RGSL1: variants seen among roughly 807,000 people sequenced by gnomAD.
The protein encoded by RGSL1 is regulator of G protein signaling protein-like.
RGSL1 carries 97 observed loss-of-function variants against 124.7 expected under a neutral mutation model. That is an observed-to-expected ratio of 0.78 (90% confidence interval 0.66 to 0.92). The LOEUF (loss-of-function observed/expected upper bound fraction) is 0.92. RGSL1 is among the 40% of genes least tolerant of loss of function. RGSL1 has a pLI of 0.00. For synonymous variants in RGSL1, 424 were observed against 438.1 expected (o/e 0.97, Z 0.40); for missense variants, 1,233 against 1,288.4 (o/e 0.96, Z 0.66).
intron 6 of RGSL1, among the ~76,000 whole-genome samples, chr1:182,483,549 C>G (rs1264696345): frequency 6.6e-6 from 1 of 152,032 alleles, no homozygotes; most frequent in African/African-American, 2.4e-5. Flanking sequence ...CTATGACATA[C>G]ACATAAAATA....
intron 8 of RGSL1, among the ~76,000 whole-genome samples, chr1:182,492,613 GC>G (rs1655609543): frequency 6.8e-6 from 1 of 146,666 alleles, no homozygotes; most frequent in South Asian, 2.2e-4. Flanking sequence ...AACACTATTG[GC>G]CTCTTTAAAT....
At chr1:182,449,421 T>G (rs1651657994), upstream of RGSL1, 1 of 152,214 alleles carries the variant, frequency 6.6e-6, no homozygotes, top group Non-Finnish European at 1.5e-5. Context: ...ATCCCAAGAC[T>G]TAAAAGCCCT....
chr1:182,489,238 A>C, intron 8 of RGSL1, 36 bp downstream of exon 8: 1 of 1,467,056 alleles, frequency 6.8e-7, no homozygotes, highest in East Asian at 2.5e-5. Flanking sequence ...TGACCTTTAC[A>C]TATGGGCAAC....
intron 4 of RGSL1, 113 bp from the exon 5 acceptor site, chr1:182,472,283 T>C: frequency 1.1e-6 from 1 of 948,300 alleles, no homozygotes; most frequent in Non-Finnish European, 1.5e-6. Context: ...CCAGGAATGA[T>C]GATTGATGCA....
chr1:182,554,874 G>A (rs1660774209), intron 20 of RGSL1, 181 bp downstream of exon 20: 1 of 615,986 alleles, frequency 1.6e-6, no homozygotes, highest in African/African-American at 1.8e-5. Context: ...CTCTGTGGGG[G>A]TCCTTTCTCA....
chr1:182,550,376 G>C (rs1660483717), intron 17 of RGSL1: 1 of 152,184 alleles, frequency 6.6e-6, no homozygotes, highest in African/African-American at 2.4e-5. Flanking sequence ...AGATAGAACA[G>C]ACTGTCCCTC....
At chr1:182,464,551 C>T (rs1213438493) in intron 4 of RGSL1, among the ~76,000 whole-genome samples, 1 of 151,918 alleles carries the variant, frequency 6.6e-6, no homozygotes, top group Non-Finnish European at 1.5e-5. Context: ...TGGTGAAAAC[C>T]TGTCTCTACT....
Position 182,529,759 on chromosome 1 carries a change from G to A in RGSL1, c.2126-485G>A, listed in dbSNP as rs114111165. Among the ~76,000 whole-genome samples, 1,235 of 152,274 alleles carry A rather than the reference G, an allele frequency of 8.1e-3. 22 individuals are homozygous for A. Among genetic ancestry groups the A allele is most frequent in the African/African-American group, 0.027 (1,105 of 41,572 alleles). ...GAGATCTGTACAATATTTTGAATGA[G>A]CTAGAAGAGGAAGAGTGTCCAGATC... is the stretch of plus-strand genomic sequence containing the variant. On this transcript the variant is annotated intron_variant, in intron 11 of 21. Transcript: ENST00000294854.
chr1:182,489,208 A>G lies in RGSL1; in HGVS notation c.1717+6A>G, dbSNP rs1655341742. ...ATCTCCAGTGTTTCTAACAGGTCAG[A>G]GCAGTCACTGTAATTTTTTTGACCT... On this transcript the variant is annotated splice_donor_region_variant and intron_variant, in intron 8 of 21. Coordinates refer to ENST00000294854, the MANE Select transcript of RGSL1 (RefSeq NM_001137669.2). 1 of 1,548,136 alleles carries G rather than the reference A, an allele frequency of 6.5e-7. No homozygotes were observed. The highest frequency in any genetic ancestry group is 1.4e-5 in the African/African-American group (1 of 72,886).
Position 182,527,666 on chromosome 1 carries a change from A to T in RGSL1, c.2019A>T (p.Gln673His). ...LKERKAKIPL[Q>H]FLTAVQKISI... Reference sequence around the variant, plus strand: ...AACGGAAGGCTAAAATCCCATTGCAATTTCTCACAGCTGTACAGAAGATCA... The same window carrying T: ...AACGGAAGGCTAAAATCCCATTGCATTTTCTCACAGCTGTACAGAAGATCA... The change falls in exon 11 of 22, where the codon CAA (glutamine) becomes CAT (histidine). Residue 673 changes from glutamine (Q) to histidine (H), a missense_variant. By Grantham distance (24) the Gln-to-His change is conservative (BLOSUM62 0). Transcript: ENST00000294854. The T allele has an allele frequency of 1.3e-6, 2 of 1,551,604 alleles. No individual in the cohort carries two copies. Among genetic ancestry groups the T allele is most frequent in the Non-Finnish European group, 1.7e-6 (2 of 1,146,812 alleles).
chr1:182,544,765 G>A (rs1558421981), intron 15 of RGSL1, among the ~76,000 whole-genome samples: 1 of 151,924 alleles, frequency 6.6e-6, no homozygotes, highest in Non-Finnish European at 1.5e-5. Context: ...TCTTTTTAGA[G>A]TCTTCAACTT....
intron 7 of RGSL1, chr1:182,488,550 C>T: frequency 1.8e-6 from 1 of 545,552 alleles, no homozygotes; most frequent in East Asian, 3.4e-5. Flanking sequence ...TTTGGTGAAA[C>T]CCCGTCTCTA....
At chr1:182,535,832 T>G (rs1467920550) in intron 14 of RGSL1, among the ~76,000 whole-genome samples, 1 of 152,176 alleles carries the variant, frequency 6.6e-6, no homozygotes, top group Non-Finnish European at 1.5e-5. Flanking sequence ...TTCACTAATT[T>G]TAATTGTGCA....
rs1482773646 is a variant in RGSL1, at chr1:182,473,943, C to A, written c.832C>A (p.Pro278Thr). 1.9e-6 allele frequency: 3 copies of A among 1,551,888 alleles called. No homozygotes were observed. The highest frequency in any genetic ancestry group is 2.6e-6 in the Non-Finnish European group (3 of 1,147,050). ...MDLKPDAIGM[P>T]LQETCPQEKV... ...TCTCAAGCCAGATGCTATTGGTATG[C>A]CCCTACAGGAGACATGTCCTCAAGA... is the stretch of plus-strand genomic sequence containing the variant. The change falls in exon 6 of 22, where the codon CCC becomes ACC. Residue 278 changes from proline to threonine, a missense_variant. Coordinates refer to ENST00000294854, the MANE Select transcript of RGSL1 (RefSeq NM_001137669.2).
At chr1:182,464,649 G>A (rs911010487) in intron 4 of RGSL1, among the ~76,000 whole-genome samples, 7 of 151,820 alleles carry the variant, frequency 4.6e-5, no homozygotes, top group South Asian at 4.2e-4. Flanking sequence ...ACTTGAACCC[G>A]GGAGGCAGAG....
intron 7 of RGSL1, 109 bp downstream of exon 7, chr1:182,488,456 C>A: frequency 9.0e-7 from 1 of 1,112,936 alleles, no homozygotes; most frequent in Non-Finnish European, 1.3e-6. Context: ...TGTTATTTTT[C>A]CTAGAGTCAA....
At chr1:182,464,182 A>C (rs1398597325) in intron 4 of RGSL1, among the ~76,000 whole-genome samples, 1 of 152,230 alleles carries the variant, frequency 6.6e-6, no homozygotes, top group African/African-American at 2.4e-5. Context: ...CTTATGGGAT[A>C]AAATAAAAGC....
chr1:182,483,702 T>C lies in RGSL1; in HGVS notation c.1432-4583T>C, dbSNP rs551599317. Among the ~76,000 whole-genome samples the C allele has an allele frequency of 2.0e-5, 3 of 152,288 alleles. No individual in the cohort carries two copies. The East Asian group carries it at 5.8e-4, about 29-fold the overall frequency. ...ATGCAGGTTTGTTATATAGGTATAT[T>C]TGTGTCACAGCAGTTTATTGTACAG... On this transcript the variant is annotated intron_variant, in intron 6 of 21. Transcript: ENST00000294854.
At chr1:182,472,335 T>G in intron 4 of RGSL1, 61 bp from the exon 5 acceptor site, 2 of 1,456,480 alleles carry the variant, frequency 1.4e-6, no homozygotes, top group Non-Finnish European at 1.8e-6. Flanking sequence ...TTCACCCAGA[T>G]GCAACCACCA....
Sources: gnomAD v4.1 joint callset for allele counts (sites outside exome capture counted in the v4.1 genomes callset) on GRCh38, gnomAD v4.1.1 for gene constraint, MANE v1.5 for transcripts, NCBI Gene and HGNC (gene_info 2026-07-23, HGNC 2026-07-21) for gene names.